KCNK9: variants seen among roughly 807,000 people sequenced by gnomAD.
KCNK9 encodes the protein potassium two pore domain channel subfamily K member 9, also known as potassium channel subfamily K member 9.
A neutral mutation model predicts 10.8 loss-of-function variants in KCNK9; 1 was observed. The ratio of observed to expected loss-of-function variants is 0.09; its 90% CI spans 0.03 to 0.44. The LOEUF (loss-of-function observed/expected upper bound fraction) is 0.44, where lower values mean the gene tolerates loss of function less well. KCNK9 is among the 20% of genes least tolerant of loss of function. KCNK9 has a pLI of 0.97. For missense variants in KCNK9, 303 were observed against 515.0 expected (o/e 0.59, Z 3.98); for synonymous variants, 231 against 222.7 (o/e 1.04, Z -0.33).
downstream of KCNK9, among the ~76,000 whole-genome samples, chr8:139,613,737 C>T (rs537622426): frequency 2.0e-5 from 3 of 152,228 alleles, no homozygotes; most frequent in Non-Finnish European, 4.4e-5. Context: ...AGCACAATAA[C>T]AGGTCCCCTG....
At chr8:139,663,648 C>CGCGTGTGTGTGTGT (rs1816222319) in intron 1 of KCNK9, among the ~76,000 whole-genome samples, 1 of 137,600 alleles carries the variant, frequency 7.3e-6, no homozygotes, top group South Asian at 2.7e-4. Context: ...CGCGTGCGCA[C>CGCGTGTGTGTGTGT]GTGTGTGTGT....
intron 1 of KCNK9, among the ~76,000 whole-genome samples, chr8:139,688,015 A>T (rs1017795793): frequency 1.3e-5 from 2 of 152,124 alleles, no homozygotes; most frequent in African/African-American, 4.8e-5. Context: ...CCAAATACCT[A>T]ACATTAATGT....
chr8:139,647,642 C>A (rs977504578), intron 1 of KCNK9, among the ~76,000 whole-genome samples: 3 of 152,190 alleles, frequency 2.0e-5, no homozygotes, highest in African/African-American at 4.8e-5. Flanking sequence ...CCAGGTGCAG[C>A]TGGAAAGGAG....
At chr8:139,687,411 C>CATATATATGTATACACATATATATTCAT (rs71318310) in intron 1 of KCNK9, among the ~76,000 whole-genome samples, 1 of 73,134 alleles carries the variant, frequency 1.4e-5, no homozygotes, top group African/African-American at 5.0e-5. Flanking sequence ...CATATATATT[C>CATATATATGTATACACATATATATTCAT]ATATATGTGT....
intron 2 of KCNK9, among the ~76,000 whole-genome samples, chr8:139,606,744 T>C (rs576624264): frequency 5.0e-4 from 76 of 152,376 alleles, no homozygotes; most frequent in African/African-American, 1.8e-3. Flanking sequence ...TCATCTTTGA[T>C]ATCTCTGTCC....
chr8:139,660,925 T>C (rs1004881446), intron 1 of KCNK9, among the ~76,000 whole-genome samples: 155 of 152,340 alleles, frequency 1.0e-3, no homozygotes, highest in African/African-American at 3.6e-3. Context: ...CCCTGTCCTC[T>C]GGCCATGGGA....
At chr8:139,660,457 T>A (rs1344613107) in intron 1 of KCNK9, among the ~76,000 whole-genome samples, 10 of 113,546 alleles carry the variant, frequency 8.8e-5, no homozygotes, top group African/African-American at 3.4e-4. Flanking sequence ...AAAATATATA[T>A]ATATATATAT....
intron 1 of KCNK9, among the ~76,000 whole-genome samples, chr8:139,668,850 A>G (rs940797823): frequency 3.3e-5 from 5 of 152,118 alleles, no homozygotes; most frequent in Admixed American, 2.6e-4. Context: ...TGCACATGTC[A>G]TTTCTCTTTA....
At chr8:139,634,149 C>G (rs932159256) in intron 1 of KCNK9, among the ~76,000 whole-genome samples, 3 of 152,246 alleles carry the variant, frequency 2.0e-5, no homozygotes, top group African/African-American at 7.2e-5. Flanking sequence ...CAAGGAGCCC[C>G]TACTACTTGG....
chr8:139,643,301 G>A (rs967284607), intron 1 of KCNK9, among the ~76,000 whole-genome samples: 9 of 152,128 alleles, frequency 5.9e-5, no homozygotes, highest in Non-Finnish European at 8.8e-5. Flanking sequence ...CGCGACCCCC[G>A]CCTGTCTGGA....
intron 1 of KCNK9, among the ~76,000 whole-genome samples, chr8:139,673,409 C>T (rs1471461010): frequency 6.6e-6 from 1 of 152,208 alleles, no homozygotes; most frequent in African/African-American, 2.4e-5. Context: ...AAAAGCCTTG[C>T]CAGGCCTATG....
At chr8:139,687,584 ACATATATATT>A (rs1352943704) in intron 1 of KCNK9, among the ~76,000 whole-genome samples, 1 of 79,636 alleles carries the variant, frequency 1.3e-5, no homozygotes, top group African/African-American at 4.4e-5. Context: ...ATATATGTAT[ACATATATATT>A]CATATGTATA....
In KCNK9 at chr8:139,604,598, C is replaced by T. The variant is rs185758623; in HGVS notation, c.*1-2997G>A. Among the ~76,000 whole-genome samples the T allele has an allele frequency of 4.5e-4, 69 of 152,300 alleles. No homozygotes were observed. The East Asian group carries it at 4.8e-3, about 11-fold the overall frequency. On this transcript the variant is annotated intron_variant, in intron 2 of 2. Transcript: ENST00000650269. Reference sequence around the variant, plus strand: ...GAAGGGTTGAGGAGAGAAAGCAATCCGTCCTTATTTACATTTTAAGAGGAT... The same window carrying T: ...GAAGGGTTGAGGAGAGAAAGCAATCTGTCCTTATTTACATTTTAAGAGGAT...
chr8:139,613,818 T>G (rs1814501743), downstream of KCNK9, among the ~76,000 whole-genome samples: 2 of 152,156 alleles, frequency 1.3e-5, no homozygotes, highest in African/African-American at 4.8e-5. Context: ...GAAACCCACT[T>G]TAGACCCACA....
chr8:139,694,886 G>GC (rs1817015383), intron 1 of KCNK9, among the ~76,000 whole-genome samples: 1 of 152,184 alleles, frequency 6.6e-6, no homozygotes, highest in Non-Finnish European at 1.5e-5. Flanking sequence ...CTCAGGGCTG[G>GC]TTGACCCCAA....
downstream of KCNK9, among the ~76,000 whole-genome samples, chr8:139,607,818 C>A (rs1245629158): frequency 6.6e-6 from 1 of 152,200 alleles, no homozygotes; most frequent in Non-Finnish European, 1.5e-5. Flanking sequence ...CAGGATGTGA[C>A]CACACTGTCA....
chr8:139,679,865 A>C (rs1380912905), intron 1 of KCNK9, among the ~76,000 whole-genome samples: 2 of 151,640 alleles, frequency 1.3e-5, no homozygotes, highest in Non-Finnish European at 2.9e-5. Flanking sequence ...CCAACCCCCA[A>C]CTCCACTCTG....
chr8:139,644,641 G>A (rs1056788565), intron 1 of KCNK9, among the ~76,000 whole-genome samples: 6 of 152,044 alleles, frequency 3.9e-5, no homozygotes, highest in Non-Finnish European at 8.8e-5. Context: ...TAGCACAGGT[G>A]GTTTTGCAAC....
chr8:139,663,155 A>G (rs1053815089), intron 1 of KCNK9, among the ~76,000 whole-genome samples: 2 of 152,124 alleles, frequency 1.3e-5, no homozygotes, highest in African/African-American at 4.8e-5. Context: ...CTCTGCTGAA[A>G]TGGGCTGAAG....
Sources: gnomAD v4.1 joint callset for allele counts (sites outside exome capture counted in the v4.1 genomes callset) on GRCh38, gnomAD v4.1.1 for gene constraint, MANE v1.5 for transcripts, NCBI Gene and HGNC (gene_info 2026-07-23, HGNC 2026-07-21) for gene names.